Variants in COG6 observed in about 807,000 individuals in gnomAD.
COG6 encodes the protein component of oligomeric golgi complex 6.
In COG6, 74 loss-of-function variants were observed where a neutral mutation model predicts 88.8. That is an observed-to-expected ratio of 0.83 (90% CI 0.69 to 1.01). The LOEUF (loss-of-function observed/expected upper bound fraction) is 1.01, where lower values mean the gene tolerates loss of function less well. Among genes scored for constraint, COG6 ranks in the 50% least tolerant of loss-of-function variants. The pLI, the probability that COG6 is intolerant of heterozygous loss-of-function variation, is 0.00. For missense variants in COG6, 800 were observed against 797.9 expected (o/e 1.00, Z -0.03); for synonymous variants, 286 against 278.7 (o/e 1.03, Z -0.26).
At chr13:39,784,447 G>T (rs1304163010) in intron 18 of COG6, among the ~76,000 whole-genome samples, 2 of 152,336 alleles carry the variant, frequency 1.3e-5, no homozygotes, top group East Asian at 3.9e-4. Context: ...ACAGTGTTCT[G>T]CACCAGGGGC....
At chr13:39,761,327 C>T (rs1041889917) in intron 18 of COG6, among the ~76,000 whole-genome samples, 1 of 151,920 alleles carries the variant, frequency 6.6e-6, no homozygotes, top group Admixed American at 6.6e-5. Flanking sequence ...ATGGAATTGA[C>T]TTCTATGTAC....
chr13:39,750,872 C>T, intron 18 of COG6, 74 bp from the exon 19 acceptor site: 1 of 1,144,102 alleles, frequency 8.7e-7, no homozygotes, highest in Non-Finnish European at 1.3e-6. Context: ...ATTGAAGTGT[C>T]AAGCTGTCTT....
chr13:39,655,952 G>C, intron 1 of COG6, 73 bp downstream of exon 1: 1 of 1,530,026 alleles, frequency 6.5e-7, no homozygotes, highest in Non-Finnish European at 8.9e-7. Context: ...GCGTCTGTCA[G>C]GGACCCACCG....
At chr13:39,684,243 A>T (rs1012625977) in intron 8 of COG6, among the ~76,000 whole-genome samples, 98 of 67,386 alleles carry the variant, frequency 1.5e-3, no homozygotes, top group Middle Eastern at 0.019. Context: ...AATTTGGAAG[A>T]TTTTTTTTTT....
intron 11 of COG6, among the ~76,000 whole-genome samples, chr13:39,690,748 T>A (rs1330262872): frequency 6.6e-6 from 1 of 151,986 alleles, no homozygotes; most frequent in African/African-American, 2.4e-5. Context: ...TTGACAAATT[T>A]AACTGTTACT....
chr13:39,743,993 T>A (rs1311810725), intron 18 of COG6, among the ~76,000 whole-genome samples: 1 of 151,948 alleles, frequency 6.6e-6, no homozygotes, highest in Non-Finnish European at 1.5e-5. Flanking sequence ...ACAGAACCAG[T>A]GACAAAAACC....
At chr13:39,774,395 C>G (rs891203049) in intron 18 of COG6, among the ~76,000 whole-genome samples, 5 of 152,102 alleles carry the variant, frequency 3.3e-5, no homozygotes, top group Non-Finnish European at 5.9e-5. Flanking sequence ...TTTGTTACAA[C>G]TGATGCTCAA....
intron 18 of COG6, among the ~76,000 whole-genome samples, chr13:39,777,524 G>A (rs1242604017): frequency 1.3e-5 from 2 of 152,182 alleles, no homozygotes; most frequent in African/African-American, 2.4e-5. Flanking sequence ...GGCCAGGTTT[G>A]TATTACTTGG....
intron 3 of COG6, among the ~76,000 whole-genome samples, 182 bp from the exon 4 acceptor site, chr13:39,664,914 C>T (rs1875150956): frequency 6.6e-6 from 1 of 152,124 alleles, no homozygotes; most frequent in Non-Finnish European, 1.5e-5. Flanking sequence ...ATATTAAGAA[C>T]TGAGTGTGTT....
chr13:39,722,618 A>C (rs1016016639), intron 15 of COG6, among the ~76,000 whole-genome samples: 6 of 50,618 alleles, frequency 1.2e-4, no homozygotes, highest in Admixed American at 7.5e-4. Context: ...GTACTGGCAC[A>C]AAAAAAAAAA....
chr13:39,673,953 A>G (rs1341258558), intron 4 of COG6, among the ~76,000 whole-genome samples: 1 of 150,866 alleles, frequency 6.6e-6, no homozygotes, highest in Non-Finnish European at 1.5e-5. Context: ...TTCTACTTCC[A>G]TTCTGTCTAT....
intron 3 of COG6, among the ~76,000 whole-genome samples, chr13:39,662,262 G>A (rs1471914395): frequency 2.7e-5 from 4 of 150,864 alleles, no homozygotes; most frequent in African/African-American, 9.7e-5. Flanking sequence ...AAGTAGCTAG[G>A]ATTACAGGCG....
In COG6 at chr13:39,712,275, A is replaced by G. The variant is rs185859436; in HGVS notation, c.1285-6961A>G. ...TATGGATCCCATTCTTCCACGTAGA[A>G]GCCAGTTTTAGATGAATTATTTTAG... On this transcript the variant is annotated intron_variant, in intron 13 of 18. Transcript: ENST00000455146. 6.6e-4 allele frequency among the ~76,000 whole-genome samples: 101 copies of G among 152,320 alleles called. 2 individuals carry two copies. Among genetic ancestry groups the G allele is most frequent in the Admixed American group, 5.9e-3 (91 of 15,308 alleles).
At chr13:39,782,536 C>G (rs1881661545) in intron 18 of COG6, among the ~76,000 whole-genome samples, 1 of 152,190 alleles carries the variant, frequency 6.6e-6, no homozygotes, top group African/African-American at 2.4e-5. Context: ...CATGGATCTT[C>G]AAGAAGTGCA....
rs941417582 is a variant in COG6, at chr13:39,751,591, C to T, written c.*498C>T. On this transcript the variant is annotated 3_prime_UTR_variant, in exon 19 of 19. Coordinates refer to ENST00000455146, the MANE Select transcript of COG6 (RefSeq NM_020751.3). ...TGTCTCTGTCCCCAAAATAGCTGCC[C>T]TTAAAGAGTTGTTAGCAGAGAGAAA... 3.1e-6 allele frequency: 4 copies of T among 1,287,138 alleles called. No homozygotes were observed. The highest frequency in any genetic ancestry group is 3.0e-6 in the Non-Finnish European group (3 of 988,686). 79.7% of individuals were successfully genotyped at this position (1,287,138 alleles called of 1,614,324 possible). A position where few individuals can be genotyped will look rare whatever the true frequency, so the allele number is the denominator to read the frequency against.
At chr13:39,781,536 T>C (rs1410781182) in intron 18 of COG6, among the ~76,000 whole-genome samples, 1 of 151,996 alleles carries the variant, frequency 6.6e-6, no homozygotes, top group Non-Finnish European at 1.5e-5. Flanking sequence ...AACCTTCTTA[T>C]TTTGACTCAC....
chr13:39,657,147 T>C (rs1397942503), intron 1 of COG6, among the ~76,000 whole-genome samples: 1 of 152,190 alleles, frequency 6.6e-6, no homozygotes. Flanking sequence ...TTCTCCTGCC[T>C]CAGCCTCCCA....
chr13:39,773,211 C>T (rs1881367739), intron 18 of COG6, among the ~76,000 whole-genome samples: 1 of 152,166 alleles, frequency 6.6e-6, no homozygotes, highest in Non-Finnish European at 1.5e-5. Flanking sequence ...AGATGACTTC[C>T]AAGGGTGCAG....
At chr13:39,725,949 T>G (rs1410845810) in intron 17 of COG6, among the ~76,000 whole-genome samples, 1 of 151,918 alleles carries the variant, frequency 6.6e-6, no homozygotes, top group African/African-American at 2.4e-5. Context: ...TGTTTCTCCT[T>G]CTCTCTTGAC....
Sources: gnomAD v4.1 joint callset for allele counts (sites outside exome capture counted in the v4.1 genomes callset) on GRCh38, gnomAD v4.1.1 for gene constraint, MANE v1.5 for transcripts, NCBI Gene and HGNC (gene_info 2026-07-23, HGNC 2026-07-21) for gene names.